ADAMTSL1: variants seen among roughly 807,000 people sequenced by gnomAD.
The protein encoded by ADAMTSL1 is ADAMTS-like protein 1.
A neutral mutation model predicts 201.8 loss-of-function variants in ADAMTSL1; 126 were observed. That is an observed-to-expected ratio of 0.62 (90% confidence interval 0.54 to 0.72). ADAMTSL1 has a LOEUF of 0.72. ADAMTSL1 is among the 30% of genes least tolerant of loss of function. The probability of loss-of-function intolerance (pLI) is 0.00; values close to 1 mark genes in which losing one functional copy is unlikely to be tolerated. For missense variants in ADAMTSL1, 2,679 were observed against 2,277.8 expected (o/e 1.18, Z -3.59); for synonymous variants, 1,121 against 903.4 (o/e 1.24, Z -4.32).
intron 2 of ADAMTSL1, among the ~76,000 whole-genome samples, chr9:18,419,825 G>T (rs1438398779): frequency 6.6e-6 from 1 of 151,242 alleles, no homozygotes; most frequent in East Asian, 2.0e-4. Context: ...CGCCTCCCAG[G>T]TTCAAGCTAT....
At chr9:18,616,181 A>T (rs1211596890) in intron 4 of ADAMTSL1, among the ~76,000 whole-genome samples, 1 of 152,118 alleles carries the variant, frequency 6.6e-6, no homozygotes, top group Non-Finnish European at 1.5e-5. Context: ...GTTTGCCACC[A>T]CACTGGGCTA....
At chr9:18,435,583 A>C (rs1417276522) in intron 2 of ADAMTSL1, among the ~76,000 whole-genome samples, 1 of 152,188 alleles carries the variant, frequency 6.6e-6, no homozygotes, top group Non-Finnish European at 1.5e-5. Flanking sequence ...TCTGACAGAG[A>C]GTATTCTAGG....
At chr9:18,024,528 G>C (rs1394215292) in intron 1 of ADAMTSL1, among the ~76,000 whole-genome samples, 1 of 152,000 alleles carries the variant, frequency 6.6e-6, no homozygotes, top group Non-Finnish European at 1.5e-5. Flanking sequence ...TTATTTTTCT[G>C]TTTCTGAGTT....
intron 1 of ADAMTSL1, among the ~76,000 whole-genome samples, chr9:17,933,680 A>G (rs1235332322): frequency 1.3e-5 from 2 of 152,170 alleles, no homozygotes; most frequent in Non-Finnish European, 2.9e-5. Context: ...TCGAAGAGAA[A>G]GCGGGCTCAT....
At chr9:18,509,164 C>G in intron 2 of ADAMTSL1, among the ~76,000 whole-genome samples, 1 of 72,312 alleles carries the variant, frequency 1.4e-5, no homozygotes, top group Admixed American at 1.6e-4. Flanking sequence ...GCAGTCCGGC[C>G]TGGGCGACAG....
intron 4 of ADAMTSL1, among the ~76,000 whole-genome samples, chr9:18,603,247 A>G (rs1824777095): frequency 1.3e-5 from 2 of 152,196 alleles, no homozygotes; most frequent in African/African-American, 2.4e-5. Context: ...TGAAGAAACC[A>G]AGGCCTAGAA....
At chr9:18,674,657 C>G (rs539981450) in intron 9 of ADAMTSL1, among the ~76,000 whole-genome samples, 12 of 151,904 alleles carry the variant, frequency 7.9e-5, no homozygotes, top group Middle Eastern at 3.4e-3. Flanking sequence ...ATATAAAGAT[C>G]AACATATTTA....
intron 2 of ADAMTSL1, among the ~76,000 whole-genome samples, chr9:18,224,878 T>C (rs1587349433): frequency 6.6e-6 from 1 of 152,320 alleles, no homozygotes; most frequent in Non-Finnish European, 1.5e-5. Context: ...CCTTCTGTCC[T>C]TTTGGTGTTC....
intron 2 of ADAMTSL1, among the ~76,000 whole-genome samples, chr9:18,200,067 A>G (rs1336680844): frequency 6.6e-6 from 1 of 152,046 alleles, no homozygotes; most frequent in African/African-American, 2.4e-5. Flanking sequence ...TCCTGTTGAG[A>G]GAGAAGAGGA....
At chr9:18,635,349 TA>T (rs920763731) in intron 5 of ADAMTSL1, among the ~76,000 whole-genome samples, 13 of 151,812 alleles carry the variant, frequency 8.6e-5, no homozygotes, top group East Asian at 3.9e-4. Context: ...AGTCAATTTC[TA>T]AAAAAAAATT....
intron 4 of ADAMTSL1, among the ~76,000 whole-genome samples, chr9:18,583,821 A>AT (rs1423208438): frequency 1.3e-5 from 2 of 152,146 alleles, no homozygotes; most frequent in African/African-American, 2.4e-5. Context: ...CCCCTGGTGG[A>AT]TTTTGGACTT....
At chr9:18,169,184 G>A (rs1483568065) in intron 2 of ADAMTSL1, among the ~76,000 whole-genome samples, 21 of 151,506 alleles carry the variant, frequency 1.4e-4, no homozygotes, top group Non-Finnish European at 2.1e-4. Context: ...GGTGTTTTAG[G>A]TATGAAGTCC....
chr9:17,930,188 G>A (rs1223725226), intron 1 of ADAMTSL1, among the ~76,000 whole-genome samples: 1 of 152,128 alleles, frequency 6.6e-6, no homozygotes, highest in Non-Finnish European at 1.5e-5. Context: ...TGAAGTGGGG[G>A]TAGGTGCTCT....
chr9:18,231,692 G>T (rs924381073), intron 2 of ADAMTSL1, among the ~76,000 whole-genome samples: 1 of 152,174 alleles, frequency 6.6e-6, no homozygotes, highest in Non-Finnish European at 1.5e-5. Context: ...AACTGTGATA[G>T]CTCCACTTGG....
At chr9:18,596,205 A>C (rs1824252676) in intron 4 of ADAMTSL1, among the ~76,000 whole-genome samples, 1 of 152,236 alleles carries the variant, frequency 6.6e-6, no homozygotes, top group Non-Finnish European at 1.5e-5. Context: ...AATTAGGTTC[A>C]ATGGGGACAT....
chr9:18,364,434 C>T (rs1836675436), intron 2 of ADAMTSL1, among the ~76,000 whole-genome samples: 1 of 152,102 alleles, frequency 6.6e-6, no homozygotes, highest in Admixed American at 6.6e-5. Flanking sequence ...GAAGCAAACC[C>T]CAATTCTCTC....
rs370764934 is a variant in ADAMTSL1, at chr9:18,048,603, A to G, written c.88-115259A>G. 1.5e-3 allele frequency among the ~76,000 whole-genome samples: 235 copies of G among 152,336 alleles called. 7 individuals are homozygous for G. The South Asian group carries it at 0.048, about 31-fold the overall frequency. ...GAGATATATGGGGATTCTCTGTACT[A>G]TCTTGGTAATTTTTCTGCAAATCTA... On this transcript the variant is annotated intron_variant, in intron 1 of 29. Transcript: ENST00000680146.
chr9:17,912,841 T>C (rs991657189), intron 1 of ADAMTSL1, among the ~76,000 whole-genome samples: 1 of 149,268 alleles, frequency 6.7e-6, no homozygotes, highest in Non-Finnish European at 1.5e-5. Context: ...AAGTCTTTAA[T>C]CATCTTGAAT....
Position 18,662,002 on chromosome 9 carries a change from T to C in ADAMTSL1, c.1014T>C (p.Cys338=). 1 of 1,614,100 alleles carries C rather than the reference T, an allele frequency of 6.2e-7. No homozygotes were observed. The highest frequency in any genetic ancestry group is 8.5e-7 in the Non-Finnish European group (1 of 1,179,958). The change falls in exon 9 of 29, where the codon TGT becomes TGC. Residue 338 remains cysteine, a synonymous_variant. Transcript: ENST00000380548. ...ACCGTGTGGTTGCTGACCAATACTG[T>C]CACTATTACCCAGAGAACATCAAAC... The part of the protein sequence containing the change: ...RSNRVVADQY[C]HYYPENIKPK...
Sources: gnomAD v4.1 joint callset for allele counts (sites outside exome capture counted in the v4.1 genomes callset) on GRCh38, gnomAD v4.1.1 for gene constraint, MANE v1.5 for transcripts, NCBI Gene and HGNC (gene_info 2026-07-23, HGNC 2026-07-21) for gene names.